The following TRDN variants were observed in gnomAD, a reference collection of about 807,000 sequenced individuals.
TRDN encodes triadin, also known as triadin in skeletal muscle.
Under a neutral mutation model 149.7 loss-of-function variants are expected in TRDN, and 161 were observed. That is an observed-to-expected ratio of 1.08 (90% CI 0.95 to 1.23). TRDN has a LOEUF of 1.23. Ranked by LOEUF, TRDN falls within the 50% of genes most tolerant of loss-of-function variation. The probability of loss-of-function intolerance (pLI) is 0.00; values close to 1 mark genes in which losing one functional copy is unlikely to be tolerated. For synonymous variants in TRDN, 294 were observed against 250.5 expected, an observed-to-expected ratio of 1.17 and a Z score of -1.64; for missense variants, 896 against 823.5, an observed-to-expected ratio of 1.09 and a Z score of -1.08.
intron 33 of TRDN, among the ~76,000 whole-genome samples, chr6:123,264,183 T>A (rs557320437): frequency 1.3e-5 from 2 of 152,206 alleles, no homozygotes; most frequent in African/African-American, 4.8e-5. Context: ...ATCTGATAGA[T>A]CCGTGCAAAG....
At chr6:123,276,097 C>T (rs886765788) in intron 26 of TRDN, among the ~76,000 whole-genome samples, 4 of 152,002 alleles carry the variant, frequency 2.6e-5, no homozygotes, top group African/African-American at 9.7e-5. Flanking sequence ...GGCCTTGTTC[C>T]CATTCACAAA....
chr6:123,361,609 A>G (rs566722164), intron 20 of TRDN, among the ~76,000 whole-genome samples: 1 of 152,260 alleles, frequency 6.6e-6, no homozygotes, highest in East Asian at 1.9e-4. Context: ...TATCTTCATC[A>G]TCATTTCTCA....
At chr6:123,514,347 T>G (rs1779323182) in intron 6 of TRDN, among the ~76,000 whole-genome samples, 1 of 152,054 alleles carries the variant, frequency 6.6e-6, no homozygotes, top group Non-Finnish European at 1.5e-5. Flanking sequence ...AGAGTGAGAC[T>G]CTGTCTCAAA....
intron 1 of TRDN, among the ~76,000 whole-genome samples, chr6:123,587,557 G>A (rs1783559310): frequency 6.6e-6 from 1 of 152,114 alleles, no homozygotes; most frequent in African/African-American, 2.4e-5. Context: ...GGAGGACAGG[G>A]GATTGATCTC....
chr6:123,495,985 G>A (rs1778426705), intron 9 of TRDN, among the ~76,000 whole-genome samples: 1 of 149,164 alleles, frequency 6.7e-6, no homozygotes, highest in South Asian at 2.1e-4. Flanking sequence ...CTTCCTGAAG[G>A]TTTATTTCCA....
chr6:123,254,001 C>T (rs1291127979), intron 37 of TRDN, among the ~76,000 whole-genome samples: 1 of 152,034 alleles, frequency 6.6e-6, no homozygotes, highest in Admixed American at 6.6e-5. Context: ...CTTGTCTGTA[C>T]CATATAAATA....
chr6:123,501,014 T>A (rs1393634861), intron 8 of TRDN, among the ~76,000 whole-genome samples: 1 of 152,038 alleles, frequency 6.6e-6, no homozygotes, highest in African/African-American at 2.4e-5. Flanking sequence ...CTTCCTACTC[T>A]ACAAACAGAT....
At chr6:123,337,561 C>G in intron 22 of TRDN, 58 bp downstream of exon 22, 1 of 870,996 alleles carries the variant, frequency 1.1e-6, no homozygotes. Context: ...GTACTGTGTT[C>G]TCAATAATAT....
intron 20 of TRDN, among the ~76,000 whole-genome samples, chr6:123,360,847 C>T (rs13212923): frequency 0.23 from 35,300 of 151,846 alleles, 4,573 homozygotes; most frequent in South Asian, 0.29. Context: ...AAGAGGAGGA[C>T]GCCACAAAAT....
chr6:123,245,712 G>T (rs1158497921), intron 38 of TRDN, among the ~76,000 whole-genome samples: 4 of 152,078 alleles, frequency 2.6e-5, no homozygotes, highest in African/African-American at 9.7e-5. Context: ...GGATATTCAG[G>T]ACTTGAACTC....
intron 22 of TRDN, among the ~76,000 whole-genome samples, chr6:123,335,381 A>T (rs1412607613): frequency 6.6e-6 from 1 of 151,948 alleles, no homozygotes; most frequent in Non-Finnish European, 1.5e-5. Flanking sequence ...ACTTTTCAGT[A>T]AGGAATGTCA....
chr6:123,566,844 T>C (rs1473839138), intron 2 of TRDN, among the ~76,000 whole-genome samples: 1 of 152,230 alleles, frequency 6.6e-6, no homozygotes, highest in African/African-American at 2.4e-5. Flanking sequence ...ATTTTTATAA[T>C]ACACATATTT....
At chr6:123,509,166 ATGTT>A (rs1460502334) in intron 7 of TRDN, among the ~76,000 whole-genome samples, 4 of 151,972 alleles carry the variant, frequency 2.6e-5, no homozygotes, top group Non-Finnish European at 5.9e-5. Flanking sequence ...ATATATATGT[ATGTT>A]TGTGTGTGTA....
chr6:123,328,724 C>T (rs1225648835), intron 23 of TRDN, among the ~76,000 whole-genome samples: 1 of 152,092 alleles, frequency 6.6e-6, no homozygotes, highest in Non-Finnish European at 1.5e-5. Flanking sequence ...ACTGTAGCAC[C>T]AGAGAACTAT....
intron 9 of TRDN, chr6:123,471,320 T>C (rs1369457293): frequency 6.6e-6 from 1 of 152,238 alleles, no homozygotes; most frequent in Admixed American, 6.5e-5. Context: ...ACTTATGAAC[T>C]CATTTGCTTA....
chr6:123,232,926 T>C (rs1050031537), intron 38 of TRDN, among the ~76,000 whole-genome samples: 16 of 152,088 alleles, frequency 1.1e-4, no homozygotes, highest in African/African-American at 3.9e-4. Context: ...TCAGTTACTC[T>C]ATGTTCATCT....
intron 12 of TRDN, among the ~76,000 whole-genome samples, chr6:123,417,476 G>C (rs896034348): frequency 1.2e-4 from 18 of 152,094 alleles, no homozygotes; most frequent in African/African-American, 4.3e-4. Context: ...ACATTATAAA[G>C]GGCTATTTCT....
intron 2 of TRDN, among the ~76,000 whole-genome samples, chr6:123,553,074 G>A (rs952748694): frequency 6.6e-6 from 1 of 152,110 alleles, no homozygotes; most frequent in South Asian, 2.1e-4. Context: ...CAAATGGTAC[G>A]ATGCCTGCTA....
At chr6:123,557,857 C>T (rs909471165) in intron 2 of TRDN, among the ~76,000 whole-genome samples, 1 of 151,354 alleles carries the variant, frequency 6.6e-6, no homozygotes, top group East Asian at 2.0e-4. Context: ...CTGGACTTAG[C>T]TCCTTCACTA....
Sources: allele counts gnomAD v4.1 joint callset (sites outside exome capture counted in the v4.1 genomes callset), GRCh38; gene constraint gnomAD v4.1.1; transcripts MANE v1.5; gene names NCBI Gene and HGNC (gene_info 2026-07-23, HGNC 2026-07-21).